The following HSPA9 variants were observed in gnomAD, a reference collection of about 807,000 sequenced individuals.
The protein encoded by HSPA9 is stress-70 protein, mitochondrial.
In HSPA9, 28 loss-of-function variants were observed where a neutral mutation model predicts 81.5. The observed-to-expected ratio is 0.34, with a 90% CI of 0.25 to 0.47. The LOEUF (loss-of-function observed/expected upper bound fraction) is 0.47. Ranked by LOEUF, HSPA9 falls within the 20% of genes least tolerant of loss-of-function variation. The probability of loss-of-function intolerance (pLI) is 1.00; values close to 1 mark genes in which losing one functional copy is unlikely to be tolerated. For synonymous variants in HSPA9, 293 were observed against 290.4 expected (o/e 1.01, Z -0.09); for missense variants, 678 against 838.0 (o/e 0.81, Z 2.36).
At chr5:138,556,214 C>T in intron 16 of HSPA9, 100 bp from the exon 17 acceptor site, 1 of 1,090,898 alleles carries the variant, frequency 9.2e-7, no homozygotes. Context: ...ATGTCCTCAT[C>T]ATTCATTTCT....
At chr5:138,565,906 C>G (rs367883699) in intron 9 of HSPA9, among the ~76,000 whole-genome samples, 2 of 152,178 alleles carry the variant, frequency 1.3e-5, no homozygotes, top group South Asian at 2.1e-4. Context: ...AGACAATTAG[C>G]CGGGCTCAGT....
intron 13 of HSPA9, 45 bp downstream of exon 13, chr5:138,557,824 C>T (rs544185424): frequency 3.4e-6 from 4 of 1,172,542 alleles, no homozygotes; most frequent in South Asian, 2.4e-5. Flanking sequence ...ATTCCCAAGA[C>T]CTCCCTCACC....
intron 4 of HSPA9, 104 bp from the exon 5 acceptor site, chr5:138,569,153 T>G (rs559210083): frequency 9.5e-7 from 1 of 1,057,668 alleles, no homozygotes; most frequent in African/African-American, 1.6e-5. Context: ...AGAGACTCAT[T>G]CATGGCCAAC....
At chr5:138,559,106 T>A (rs1188711895) in intron 11 of HSPA9, 1 of 201,312 alleles carries the variant, frequency 5.0e-6, no homozygotes, top group Non-Finnish European at 1.0e-5. Context: ...GAAATAATTT[T>A]TTTTTTTTTT....
intron 5 of HSPA9, among the ~76,000 whole-genome samples, chr5:138,568,674 C>T (rs1271869196): frequency 1.3e-5 from 2 of 151,902 alleles, no homozygotes; most frequent in African/African-American, 4.8e-5. Flanking sequence ...AATGTGTAGT[C>T]TTGTGGCTTT....
intron 3 of HSPA9, 142 bp from the exon 4 acceptor site, chr5:138,571,283 C>T (rs557099394): frequency 8.7e-5 from 71 of 813,002 alleles, no homozygotes; most frequent in African/African-American, 2.2e-4. Context: ...TGGGTTCAAG[C>T]GATTCTTCTG....
intron 2 of HSPA9, 39 bp downstream of exon 2, chr5:138,574,029 A>T: frequency 6.6e-7 from 1 of 1,507,836 alleles, no homozygotes; most frequent in Non-Finnish European, 9.2e-7. Flanking sequence ...TTGAAGTTTA[A>T]TATGTATTCC....
At chr5:138,558,224 G>A (rs1368703358) in intron 12 of HSPA9, among the ~76,000 whole-genome samples, 2 of 152,108 alleles carry the variant, frequency 1.3e-5, no homozygotes, top group African/African-American at 4.8e-5. Flanking sequence ...ATGTACCTGT[G>A]GACACACTAA....
intron 11 of HSPA9, 80 bp downstream of exon 11, chr5:138,559,784 A>C (rs1428767298): frequency 3.2e-6 from 3 of 941,288 alleles, no homozygotes; most frequent in East Asian, 4.8e-5. Flanking sequence ...TTTCTAGAAA[A>C]AACTCATGAA....
In HSPA9 at chr5:138,567,458, T is replaced by C. The variant is rs778087540; in HGVS notation, c.713A>G (p.Lys238Arg). Residue 238 changes from lysine (K) to arginine (R), a missense_variant, in exon 7 of 17, where the codon AAA (lysine) becomes AGA (arginine). Lys to Arg is a conservative substitution (Grantham distance 26, BLOSUM62 2). This residue lies in a region of HSPA9 where 484 missense variants were observed against 647.5 expected (regional missense o/e 0.75). Transcript: ENST00000297185. ...LAYGLDKSED[K>R]VIAVYDLGGG... is the part of the protein sequence containing the mutation. ...GAAATTTACTGCACAAACTTACACT[T>C]TGTCTTCTGATTTGTCTAGACCATA... 5.0e-6 allele frequency: 8 copies of C among 1,611,534 alleles called. No homozygotes were observed. The highest frequency in any genetic ancestry group is 2.2e-5 in the East Asian group (1 of 44,874).
intron 10 of HSPA9, chr5:138,561,016 CAAG>C (rs771028538): frequency 2.7e-5 from 13 of 485,322 alleles, no homozygotes; most frequent in African/African-American, 1.4e-4. Context: ...TTTAGGCTAC[CAAG>C]AAGAACTGCA....
chr5:138,569,202 A>C (rs529778242), intron 4 of HSPA9, among the ~76,000 whole-genome samples, 153 bp from the exon 5 acceptor site: 1 of 152,350 alleles, frequency 6.6e-6, no homozygotes, highest in South Asian at 2.1e-4. Context: ...AGCAATCACT[A>C]ACATGGTTTA....
chr5:138,560,155 G>A, intron 10 of HSPA9, 64 bp from the exon 11 acceptor site: 2 of 1,150,820 alleles, frequency 1.7e-6, no homozygotes, highest in Non-Finnish European at 2.6e-6. Flanking sequence ...AGAACAAAAG[G>A]GAGCACGTGT....
intron 4 of HSPA9, among the ~76,000 whole-genome samples, chr5:138,569,269 A>G (rs1750827875): frequency 6.6e-6 from 1 of 152,260 alleles, no homozygotes; most frequent in Non-Finnish European, 1.5e-5. Context: ...TCACTAACAT[A>G]TAAAAACATT....
At chr5:138,558,173 A>G (rs929225669) in intron 12 of HSPA9, among the ~76,000 whole-genome samples, 187 bp from the exon 13 acceptor site, 1 of 152,210 alleles carries the variant, frequency 6.6e-6, no homozygotes, top group African/African-American at 2.4e-5. Context: ...CTGGTTTTAT[A>G]CCAGTGAAGT....
chr5:138,569,826 TAC>T (rs1468526407), intron 4 of HSPA9, among the ~76,000 whole-genome samples: 1 of 152,084 alleles, frequency 6.6e-6, no homozygotes, highest in East Asian at 1.9e-4. Flanking sequence ...GTGCTAGGAT[TAC>T]AGACATGAGC....
intron 1 of HSPA9, 168 bp from the exon 2 acceptor site, chr5:138,574,294 G>A: frequency 1.5e-6 from 1 of 659,132 alleles, no homozygotes. Context: ...GATGGCCTTA[G>A]AATCACATTA....
chr5:138,559,813 C>T lies in HSPA9; in HGVS notation c.1410+51G>A, dbSNP rs749918069. The T allele has an allele frequency of 4.4e-5, 54 of 1,222,384 alleles. 1 individual carries two copies. The highest frequency in any genetic ancestry group is 3.5e-4 in the South Asian group (29 of 82,348). The allele number at this position is 1,222,384 out of a possible 1,614,324, so 75.7% of individuals were successfully genotyped here. ...TCATGAAAGTGGCTGCAATTACATC[C>T]GTCATAGAACCTAAAACCCATGTGA... On this transcript the variant is annotated intron_variant, in intron 11 of 16. Transcript: ENST00000297185.
chr5:138,569,017 G>C lies in HSPA9; in HGVS notation c.443C>G (p.Ser148Cys), dbSNP rs1390694256. The change falls in exon 5 of 17, where the codon TCC (serine) becomes TGC (cysteine). Residue 148 changes from serine to cysteine, a missense_variant. Physicochemically the swap from Ser to Cys is moderately radical, Grantham distance 112 (BLOSUM62 -1). Around this residue, in one of 4 missense-constraint regions of HSPA9, gnomAD observed 484 missense variants for 647.5 expected, o/e 0.75. Coordinates refer to ENST00000297185, the MANE Select transcript of HSPA9 (RefSeq NM_004134.7). Reference sequence around the variant, plus strand: ...AGCCTCAACCCAGGCATCACCATTGGAGGCACGGACAATTTTAAAGGGAAC... The same window carrying C: ...AGCCTCAACCCAGGCATCACCATTGCAGGCACGGACAATTTTAAAGGGAAC... ...KNVPFKIVRA[S>C]NGDAWVEAHG... 3.7e-6 allele frequency: 6 copies of C among 1,613,814 alleles called. No individual in the cohort carries two copies. Among genetic ancestry groups the C allele is most frequent in the Non-Finnish European group, 5.1e-6 (6 of 1,179,848 alleles).
Sources: allele counts gnomAD v4.1 joint callset (sites outside exome capture counted in the v4.1 genomes callset), GRCh38; gene constraint gnomAD v4.1.1; regional missense constraint gnomAD v4.1.1; transcripts MANE v1.5; gene names NCBI Gene and HGNC (gene_info 2026-07-23, HGNC 2026-07-21).